The following SOX5 variants were observed in gnomAD, a reference collection of about 807,000 sequenced individuals.
The protein encoded by SOX5 is SRY-box transcription factor 5, also known as transcription factor SOX-5.
In SOX5, 9 loss-of-function variants were observed where a neutral mutation model predicts 92.0. That is an observed-to-expected ratio of 0.10 (90% CI 0.06 to 0.17). The LOEUF is 0.17. Ranked by LOEUF, SOX5 falls within the 10% of genes least tolerant of loss-of-function variation. SOX5 has a pLI of 1.00. For synonymous variants in SOX5, 344 were observed against 336.3 expected (o/e 1.02, Z -0.25); for missense variants, 642 against 944.5 (o/e 0.68, Z 4.20).
intron 2 of SOX5, among the ~76,000 whole-genome samples, chr12:24,355,369 G>A (rs1053439387): frequency 2.4e-5 from 3 of 127,078 alleles, no homozygotes; most frequent in South Asian, 2.6e-4. Context: ...GTGCAGTGGT[G>A]CAATTTCGGC....
Position 24,143,782 on chromosome 12 carries a change from C to T in SOX5, c.-2+69561G>A, listed in dbSNP as rs141897365. On this transcript the variant is annotated intron_variant, in intron 4 of 4. Coordinates refer to the SOX5 transcript ENST00000446891. ...CATTCTTACATGTGTGCAGACAGAACGACAGGTAATAAGAGAATGGATGGA... is the reference window on the plus strand; with the variant it reads ...CATTCTTACATGTGTGCAGACAGAATGACAGGTAATAAGAGAATGGATGGA... 2.4e-3 allele frequency among the ~76,000 whole-genome samples: 340 copies of T among 144,472 alleles called. 5 individuals carry two copies. The highest frequency in any genetic ancestry group is 7.9e-3 in the African/African-American group (308 of 38,920). The allele number at this position is 144,472 out of a possible 152,430, so 94.8% of individuals were successfully genotyped here.
intron 4 of SOX5, among the ~76,000 whole-genome samples, chr12:24,047,374 A>C (rs1437427522): frequency 1.3e-5 from 2 of 152,252 alleles, no homozygotes; most frequent in African/African-American, 2.4e-5. Context: ...TTGAGGTTAC[A>C]CACAATTTTG....
At chr12:24,401,120 G>A (rs1226639570) in intron 1 of SOX5, among the ~76,000 whole-genome samples, 1 of 152,116 alleles carries the variant, frequency 6.6e-6, no homozygotes, top group East Asian at 1.9e-4. Flanking sequence ...TTGGGAGGCT[G>A]AGGCGGGCAG....
chr12:24,129,688 A>C lies in SOX5; in HGVS notation c.-2+83655T>G, dbSNP rs117299846. Among the ~76,000 whole-genome samples, 1,172 of 152,322 alleles carry C rather than the reference A, an allele frequency of 7.7e-3. 9 individuals are homozygous for C. The highest frequency in any genetic ancestry group is 0.017 in the South Asian group (84 of 4,832). On this transcript the variant is annotated intron_variant, in intron 4 of 4. Coordinates refer to the SOX5 transcript ENST00000446891. ...GAGCAGAGTCAACCAGAAGAATACA[A>C]AAGAGGCAGAGTGAAAGAGAGGTTC...
intron 8 of SOX5, among the ~76,000 whole-genome samples, chr12:23,620,525 T>C (rs903795567): frequency 9.9e-5 from 15 of 152,268 alleles, no homozygotes; most frequent in African/African-American, 3.6e-4. Context: ...TTGTATAATT[T>C]ATATGAAGAA....
At chr12:23,659,442 CTTCTA>C (rs2082733987) in intron 7 of SOX5, among the ~76,000 whole-genome samples, 1 of 152,228 alleles carries the variant, frequency 6.6e-6, no homozygotes, top group African/African-American at 2.4e-5. Flanking sequence ...GGCTCATCGA[CTTCTA>C]TTTATTTAAG....
intron 10 of SOX5, among the ~76,000 whole-genome samples, chr12:23,571,372 TG>T (rs1383756813): frequency 2.0e-5 from 3 of 152,076 alleles, no homozygotes; most frequent in Admixed American, 6.5e-5. Flanking sequence ...TTAATGCCTC[TG>T]AGGAATGAAG....
intron 1 of SOX5, among the ~76,000 whole-genome samples, chr12:24,419,635 A>C (rs1965604714): frequency 1.3e-5 from 2 of 152,186 alleles, no homozygotes; most frequent in African/African-American, 4.8e-5. Flanking sequence ...TATAGATTAG[A>C]TTAGCTCAAG....
intron 8 of SOX5, among the ~76,000 whole-genome samples, chr12:23,625,849 C>T (rs1160207154): frequency 5.3e-5 from 8 of 152,118 alleles, no homozygotes; most frequent in East Asian, 1.9e-4. Context: ...CCTCATGATC[C>T]GCCTGCCTCG....
At chr12:23,773,544 G>T (rs533131100) in intron 3 of SOX5, among the ~76,000 whole-genome samples, 1 of 152,152 alleles carries the variant, frequency 6.6e-6, no homozygotes, top group South Asian at 2.1e-4. Context: ...ACTAATTTTT[G>T]TATTTTTAGT....
intron 8 of SOX5, among the ~76,000 whole-genome samples, chr12:23,621,675 TCAACA>T (rs2077199454): frequency 6.6e-6 from 1 of 152,046 alleles, no homozygotes; most frequent in Non-Finnish European, 1.5e-5. Flanking sequence ...TAAAAAATAC[TCAACA>T]TACACCCAGC....
chr12:23,565,787 T>A (rs924056321), intron 10 of SOX5, among the ~76,000 whole-genome samples: 1 of 152,248 alleles, frequency 6.6e-6, no homozygotes, highest in Non-Finnish European at 1.5e-5. Flanking sequence ...GTATCTGCTA[T>A]GTTAAATCAT....
At chr12:23,917,462 A>G (rs1684453193) in intron 1 of SOX5, among the ~76,000 whole-genome samples, 1 of 152,198 alleles carries the variant, frequency 6.6e-6, no homozygotes, top group African/African-American at 2.4e-5. Context: ...CTGAGGCAAG[A>G]GAATCGCTTG....
intron 2 of SOX5, among the ~76,000 whole-genome samples, chr12:23,846,406 A>G (rs1157178980): frequency 6.6e-6 from 1 of 152,242 alleles, no homozygotes; most frequent in African/African-American, 2.4e-5. Context: ...ATTTCAAAAA[A>G]GAATAAATTC....
At chr12:24,447,294 A>C (rs1274134548) in intron 1 of SOX5, among the ~76,000 whole-genome samples, 1 of 152,108 alleles carries the variant, frequency 6.6e-6, no homozygotes, top group Non-Finnish European at 1.5e-5. Context: ...TGTGATGAAA[A>C]CGGCACTTCA....
intron 1 of SOX5, among the ~76,000 whole-genome samples, chr12:23,918,925 GA>G (rs111430391): frequency 1.6e-5 from 2 of 126,680 alleles, no homozygotes; most frequent in East Asian, 2.1e-4. Flanking sequence ...TCAAAAAAAA[GA>G]AAAAAAAAGA....
intron 4 of SOX5, among the ~76,000 whole-genome samples, chr12:24,136,465 T>A (rs1355649727): frequency 6.6e-6 from 1 of 152,380 alleles, no homozygotes; most frequent in South Asian, 2.1e-4. Context: ...TTACTAGCTA[T>A]GTAACTTGGC....
chr12:23,791,840 A>G (rs944244612), intron 3 of SOX5, among the ~76,000 whole-genome samples: 1 of 152,018 alleles, frequency 6.6e-6, no homozygotes, highest in African/African-American at 2.4e-5. Flanking sequence ...GAAATTAAAA[A>G]GTGATACCTA....
At chr12:23,579,824 T>C (rs1949790040) in intron 9 of SOX5, among the ~76,000 whole-genome samples, 1 of 151,948 alleles carries the variant, frequency 6.6e-6, no homozygotes, top group African/African-American at 2.4e-5. Flanking sequence ...ATTTTCAAGG[T>C]CAAAAATAAT....
Sources: allele counts gnomAD v4.1 joint callset (sites outside exome capture counted in the v4.1 genomes callset), GRCh38; gene constraint gnomAD v4.1.1; transcripts MANE v1.5; gene names NCBI Gene and HGNC (gene_info 2026-07-23, HGNC 2026-07-21).